Variants in ADGRL4 observed in about 807,000 individuals in gnomAD.
ADGRL4 encodes EGF, latrophilin and seven transmembrane domain containing 1.
A neutral mutation model predicts 74.8 loss-of-function variants in ADGRL4; 90 were observed. The observed-to-expected ratio is 1.20, with a 90% CI of 1.02 to 1.43. ADGRL4 has a LOEUF of 1.43. Among genes scored for constraint, ADGRL4 ranks in the 40% most tolerant of loss-of-function variants. The pLI is 0.00. For missense variants in ADGRL4, 881 were observed against 814.3 expected (o/e 1.08, Z -1.00); for synonymous variants, 311 against 279.2 (o/e 1.11, Z -1.14).
At chr1:78,926,262 A>T (rs1422156181) in intron 8 of ADGRL4, among the ~76,000 whole-genome samples, 2 of 152,082 alleles carry the variant, frequency 1.3e-5, no homozygotes, top group Non-Finnish European at 2.9e-5. Context: ...TCAACTGTGA[A>T]ATGGTAGCAA....
chr1:78,908,192 G>C (rs919597548), intron 12 of ADGRL4, among the ~76,000 whole-genome samples: 3 of 151,940 alleles, frequency 2.0e-5, no homozygotes, highest in Admixed American at 6.6e-5. Flanking sequence ...TCAAAGAAAG[G>C]CTCCCTCTTG....
intron 2 of ADGRL4, among the ~76,000 whole-genome samples, chr1:79,001,486 C>T (rs1650843671): frequency 6.6e-6 from 1 of 152,128 alleles, no homozygotes; most frequent in Non-Finnish European, 1.5e-5. Flanking sequence ...AAAATAGCTT[C>T]TCCAGAGGGA....
chr1:78,891,164 C>T lies in ADGRL4; in HGVS notation c.2063G>A (p.Cys688Tyr). 5 of 1,611,260 alleles carry T rather than the reference C, an allele frequency of 3.1e-6. No individual in the cohort carries two copies. The highest frequency in any genetic ancestry group is 4.2e-6 in the Non-Finnish European group (5 of 1,178,394). The change falls in exon 15 of 15, where the codon TGT (cysteine) becomes TAT (tyrosine). Residue 688 changes from cysteine (C) to tyrosine (Y), a missense_variant. Coordinates refer to ENST00000370742, the MANE Select transcript of ADGRL4 (RefSeq NM_022159.4). Reference sequence around the variant, plus strand: ...CACCATTCTCTATGTTTACCTTAAACATCCAAAACAACAGGGGACATTTTT... The same window carrying T: ...CACCATTCTCTATGTTTACCTTAAATATCCAAAACAACAGGGGACATTTTT... ...LFKNVPCCFGCLR is the reference protein window; with the variant it reads ...LFKNVPCCFGYLR
chr1:78,926,761 C>T (rs59554507), intron 8 of ADGRL4, 125 bp downstream of exon 8: 60,174 of 689,272 alleles, frequency 0.087, 3,954 homozygotes, highest in East Asian at 0.34. Flanking sequence ...AACTACTTCA[C>T]TCTTTTAATT....
In ADGRL4 at chr1:78,946,368, G is replaced by A. The variant is rs1460918655; in HGVS notation, c.231C>T (p.Asn77=). 1.2e-6 allele frequency: 2 copies of A among 1,612,966 alleles called. No individual in the cohort carries two copies. Among genetic ancestry groups the A allele is most frequent in the East Asian group, 2.2e-5 (1 of 44,730 alleles). ...ACATACAATAATAACTTCCTTCTGTGTTAGTGCAATTAGCATTTTCGCCAC... is the reference window on the plus strand; with the variant it reads ...ACATACAATAATAACTTCCTTCTGTATTAGTGCAATTAGCATTTTCGCCAC... ...QSCGENANCT[N]TEGSYYCMCV... Residue 77 remains asparagine (N), a synonymous_variant, in exon 3 of 15, where the codon AAC becomes AAT. Transcript: ENST00000370742.
intron 8 of ADGRL4, among the ~76,000 whole-genome samples, chr1:78,922,936 A>T (rs1438385191): frequency 2.6e-5 from 4 of 152,064 alleles, no homozygotes; most frequent in Non-Finnish European, 4.4e-5. Context: ...AGAAACTCAG[A>T]TGATTTAAAT....
At chr1:78,947,053 C>T (rs1027324904) in intron 2 of ADGRL4, among the ~76,000 whole-genome samples, 8 of 152,164 alleles carry the variant, frequency 5.3e-5, no homozygotes, top group African/African-American at 1.9e-4. Context: ...GTTCATAAAA[C>T]CTTTTTAAAC....
intron 12 of ADGRL4, among the ~76,000 whole-genome samples, 176 bp downstream of exon 12, chr1:78,917,457 TG>T (rs1271471201): frequency 6.6e-6 from 1 of 151,114 alleles, no homozygotes; most frequent in African/African-American, 2.4e-5. Context: ...AAGCTATACA[TG>T]ATTTAAAAGA....
chr1:78,975,712 G>A (rs531569276), intron 2 of ADGRL4, among the ~76,000 whole-genome samples: 48 of 151,768 alleles, frequency 3.2e-4, no homozygotes, highest in Non-Finnish European at 3.7e-4. Flanking sequence ...ACTATTTTGC[G>A]CTGGGCAAGG....
At chr1:78,981,741 T>C (rs1650400909) in intron 2 of ADGRL4, among the ~76,000 whole-genome samples, 1 of 151,852 alleles carries the variant, frequency 6.6e-6, no homozygotes, top group Non-Finnish European at 1.5e-5. Context: ...TATAAAAGTG[T>C]CTGCTATGAA....
In ADGRL4 at chr1:78,917,244, ACT is replaced by A. The variant is rs1648893405; in HGVS notation, c.1749+388_1749+389del. On this transcript the variant is annotated intron_variant, in intron 12 of 14. Coordinates refer to ENST00000370742, the MANE Select transcript of ADGRL4 (RefSeq NM_022159.4). ...TGCCAAATTATCAGCTGGTTGGCAC[ACT>A]CTGTGTGTTGAAGCATGCCGAGGTA... Among the ~76,000 whole-genome samples, 6 of 151,794 alleles carry A rather than the reference ACT, an allele frequency of 4.0e-5. No individual in the cohort carries two copies. In the South Asian group the frequency reaches 1.2e-3, roughly 31 times the overall value.
intron 7 of ADGRL4, among the ~76,000 whole-genome samples, chr1:78,929,067 T>C (rs1570235255): frequency 6.6e-6 from 1 of 151,568 alleles, no homozygotes; most frequent in East Asian, 1.9e-4. Flanking sequence ...GTTGATTTCA[T>C]AAGTAATTTG....
chr1:78,922,164 C>T (rs1282954787), intron 8 of ADGRL4, among the ~76,000 whole-genome samples: 1 of 151,920 alleles, frequency 6.6e-6, no homozygotes, highest in Non-Finnish European at 1.5e-5. Context: ...GCATTGTTGA[C>T]ATTAAATTCT....
chr1:79,003,477 G>C (rs959292151), intron 2 of ADGRL4, among the ~76,000 whole-genome samples: 1 of 150,864 alleles, frequency 6.6e-6, no homozygotes, highest in African/African-American at 2.4e-5. Flanking sequence ...TGTGTGAAAA[G>C]AAACTGCAGG....
chr1:78,899,749 TTCTG>T (rs924865701), intron 12 of ADGRL4, among the ~76,000 whole-genome samples: 1 of 152,116 alleles, frequency 6.6e-6, no homozygotes, highest in African/African-American at 2.4e-5. Flanking sequence ...AGGTTTTGTC[TTCTG>T]TCTGATTTTC....
rs150031905 is a variant in ADGRL4 at position 78,928,502 on chromosome 1, T to C, written c.878-1411A>G. On this transcript the variant is annotated intron_variant, in intron 7 of 14. Coordinates refer to ENST00000370742, the MANE Select transcript of ADGRL4 (RefSeq NM_022159.4). ...TGAATAATTTGAAAAGAGTAGATCA[T>C]TTCCTAATAAATCATCATCCATTCT... Among the ~76,000 whole-genome samples, 3 of 151,562 alleles carry C rather than the reference T, an allele frequency of 2.0e-5. 1 individual carries two copies. The highest frequency in any genetic ancestry group is 7.3e-5 in the African/African-American group (3 of 40,916).
In ADGRL4 at chr1:78,920,038, A is replaced by G. The variant is rs1648962849; in HGVS notation, c.1461+145T>C. 4.7e-6 allele frequency: 3 copies of G among 633,710 alleles called. No homozygotes were observed. In the African/African-American group the frequency reaches 5.6e-5, roughly 12 times the overall value. The allele number at this position is 633,710 out of a possible 1,614,324, so 39.3% of individuals were successfully genotyped here. ...TTGCTTAGCTGTGTTAGCATTATCA[A>G]ACTTAGAAAGGATAGCTGAAGAACA... On this transcript the variant is annotated intron_variant, in intron 10 of 14. Coordinates refer to ENST00000370742, the MANE Select transcript of ADGRL4 (RefSeq NM_022159.4).
chr1:78,963,411 G>T (rs575874979), intron 2 of ADGRL4, among the ~76,000 whole-genome samples: 16 of 152,246 alleles, frequency 1.1e-4, no homozygotes, highest in Non-Finnish European at 1.9e-4. Context: ...GAGCTGAAGA[G>T]ACCCTGCCTA....
intron 12 of ADGRL4, among the ~76,000 whole-genome samples, chr1:78,894,000 T>A (rs191947736): frequency 6.6e-6 from 1 of 151,792 alleles, no homozygotes; most frequent in African/African-American, 2.4e-5. Context: ...AATATGAGCA[T>A]GCCAATAATT....
Sources: allele counts gnomAD v4.1 joint callset (sites outside exome capture counted in the v4.1 genomes callset), GRCh38; gene constraint gnomAD v4.1.1; transcripts MANE v1.5; gene names NCBI Gene and HGNC (gene_info 2026-07-23, HGNC 2026-07-21).